Variants in GPR149 observed in about 807,000 individuals in gnomAD.
GPR149 encodes the protein probable G protein-coupled receptor 149.
Under a neutral mutation model 50.2 loss-of-function variants are expected in GPR149, and 50 were observed. That is an observed-to-expected ratio of 1.00 (90% CI 0.79 to 1.26). GPR149 has a LOEUF of 1.26. Ranked by LOEUF, GPR149 falls within the 50% of genes most tolerant of loss-of-function variation. GPR149 has a pLI of 0.00. For missense variants in GPR149, 983 were observed against 895.4 expected (o/e 1.10, Z -1.25); for synonymous variants, 405 against 358.2 (o/e 1.13, Z -1.48).
At chr3:154,401,058 G>A (rs561770560) in intron 3 of GPR149, among the ~76,000 whole-genome samples, 31 of 152,214 alleles carry the variant, frequency 2.0e-4, no homozygotes, top group Non-Finnish European at 4.0e-4. Context: ...CATGAGAGAA[G>A]AAAGCTGTTT....
At chr3:154,406,015 G>T (rs1711676312) in intron 3 of GPR149, among the ~76,000 whole-genome samples, 1 of 151,582 alleles carries the variant, frequency 6.6e-6, no homozygotes, top group African/African-American at 2.4e-5. Flanking sequence ...TTGTAACATA[G>T]GATATAATGG....
intron 3 of GPR149, among the ~76,000 whole-genome samples, chr3:154,416,356 A>C (rs932430124): frequency 7.9e-5 from 12 of 151,898 alleles, no homozygotes; most frequent in South Asian, 2.1e-4. Flanking sequence ...GTTTGTACAG[A>C]AATCATCTGG....
intron 3 of GPR149, among the ~76,000 whole-genome samples, chr3:154,354,955 C>A (rs886882679): frequency 6.6e-6 from 1 of 152,128 alleles, no homozygotes; most frequent in African/African-American, 2.4e-5. Flanking sequence ...CTGCATGAAA[C>A]CTCATTTTAC....
At chr3:154,402,998 A>G (rs529231764) in intron 3 of GPR149, among the ~76,000 whole-genome samples, 1 of 152,352 alleles carries the variant, frequency 6.6e-6, no homozygotes, top group South Asian at 2.1e-4. Context: ...TTGCAAGGGC[A>G]ACTAAGTAAA....
At chr3:154,417,676 G>A (rs1022613871) in intron 3 of GPR149, among the ~76,000 whole-genome samples, 4 of 151,488 alleles carry the variant, frequency 2.6e-5, no homozygotes, top group African/African-American at 9.7e-5. Flanking sequence ...CTACCACACA[G>A]TTTAATGCAT....
At chr3:154,370,600 A>T (rs930159491) in intron 3 of GPR149, among the ~76,000 whole-genome samples, 4 of 152,144 alleles carry the variant, frequency 2.6e-5, no homozygotes, top group Admixed American at 2.6e-4. Context: ...ACCCAACCAG[A>T]TGATTCAGCA....
chr3:154,426,532 CA>C (rs1383331627), intron 2 of GPR149, among the ~76,000 whole-genome samples: 1 of 152,186 alleles, frequency 6.6e-6, no homozygotes, highest in Non-Finnish European at 1.5e-5. Context: ...GTTAATGCAG[CA>C]TACACTAATG....
Position 154,421,192 on chromosome 3 carries a change from AT to A in GPR149, c.1469del (p.Asp490ValfsTer86). 6.2e-7 allele frequency: 1 copy of A among 1,613,504 alleles called. No individual in the cohort carries two copies. Among genetic ancestry groups the A allele is most frequent in the Non-Finnish European group, 8.5e-7 (1 of 1,179,616 alleles). ...EAKQDSNNKK[D>X]AFSDKTGGDI... Reference sequence around the variant, plus strand: ...CACCTCCTGTTTTGTCAGAAAACGCATCCTTTTTGTTGTTGGAATCCTGTTT... The same window carrying A: ...CACCTCCTGTTTTGTCAGAAAACGCACCTTTTTGTTGTTGGAATCCTGTTT... On this transcript the variant is annotated frameshift_variant, in exon 3 of 4. Transcript: ENST00000389740. LOFTEE classifies it high-confidence loss of function.
chr3:154,339,779 C>CTTTTTTTTT (rs71152802), intron 3 of GPR149, among the ~76,000 whole-genome samples: 1 of 68,306 alleles, frequency 1.5e-5, no homozygotes, highest in Non-Finnish European at 2.5e-5. Context: ...TGCTCTACTT[C>CTTTTTTTTT]TTTTTTTTTT....
chr3:154,420,947 G>A (rs1447269717), intron 3 of GPR149, 92 bp downstream of exon 3: 6 of 907,572 alleles, frequency 6.6e-6, no homozygotes, highest in Non-Finnish European at 9.9e-6. Context: ...TGTTGGGCTT[G>A]ATTGAATAAA....
At chr3:154,339,925 G>A (rs1348429746) in intron 3 of GPR149, among the ~76,000 whole-genome samples, 4 of 151,538 alleles carry the variant, frequency 2.6e-5, no homozygotes, top group Admixed American at 2.0e-4. Flanking sequence ...GAGTAGCTGG[G>A]ACTACAGGCA....
intron 3 of GPR149, among the ~76,000 whole-genome samples, chr3:154,363,935 C>G (rs1370557105): frequency 6.6e-6 from 1 of 152,192 alleles, no homozygotes; most frequent in Non-Finnish European, 1.5e-5. Context: ...GTTCATGTAC[C>G]TTATTCCTCT....
At chr3:154,379,624 G>A (rs1310702850) in intron 3 of GPR149, among the ~76,000 whole-genome samples, 1 of 151,988 alleles carries the variant, frequency 6.6e-6, no homozygotes, top group Non-Finnish European at 1.5e-5. Flanking sequence ...TATAGTATGA[G>A]GAAAGGGCCT....
At position 154,428,735 on chromosome 3, in the gene GPR149, C is replaced by T. The variant is rs767793576; in HGVS notation, c.881G>A (p.Gly294Glu). The T allele has an allele frequency of 1.9e-6, 3 of 1,614,106 alleles. No homozygotes were observed. Among genetic ancestry groups the T allele is most frequent in the Non-Finnish European group, 8.5e-7 (1 of 1,180,030 alleles). Residue 294 changes from glycine to glutamate, a missense_variant, in exon 1 of 4, where the codon GGG (glycine) becomes GAG (glutamate). By Grantham distance (98) the Gly-to-Glu change is moderately conservative. Coordinates refer to ENST00000389740, the MANE Select transcript of GPR149 (RefSeq NM_001038705.3). The stretch of plus-strand genomic sequence containing the variant: ...GAAGCTCCTGGTGCCATAGAGAGTC[C>T]CCCGGTTCTCACGCCTGCAGGCTTC... ...GAEACRRENR[G>E]TLYGTRSFTV...
At chr3:154,370,904 G>A (rs1243935610) in intron 3 of GPR149, among the ~76,000 whole-genome samples, 1 of 152,106 alleles carries the variant, frequency 6.6e-6, no homozygotes, top group Non-Finnish European at 1.5e-5. Flanking sequence ...CCCTTATTAG[G>A]GAGGGACATA....
rs1185153386 is a variant in GPR149, at chr3:154,335,770, A to G, written c.*1929T>C. 4.0e-5 allele frequency: 6 copies of G among 150,458 alleles called. No homozygotes were observed. The highest frequency in any genetic ancestry group is 1.5e-4 in the African/African-American group (6 of 39,856). 9.3% of individuals were successfully genotyped at this position (150,458 alleles called of 1,614,324 possible). On this transcript the variant is annotated 3_prime_UTR_variant, in exon 4 of 4. Coordinates refer to ENST00000389740, the MANE Select transcript of GPR149 (RefSeq NM_001038705.3). ...CCATTCAAATTGCTGTGCAGTTATA[A>G]AGAATTTGTTTGCCTTCAAATCTTT...
intron 3 of GPR149, among the ~76,000 whole-genome samples, chr3:154,388,195 C>T (rs577865227): frequency 1.3e-5 from 2 of 151,958 alleles, no homozygotes; most frequent in Admixed American, 6.6e-5. Context: ...ATCTATGTTA[C>T]CTTACATTTA....
intron 3 of GPR149, among the ~76,000 whole-genome samples, chr3:154,395,724 G>A (rs1206571071): frequency 6.6e-6 from 1 of 152,124 alleles, no homozygotes; most frequent in Non-Finnish European, 1.5e-5. Context: ...GAGCCCAAAA[G>A]TTGGAGGCTT....
intron 3 of GPR149, among the ~76,000 whole-genome samples, chr3:154,355,490 T>C (rs930912176): frequency 1.3e-5 from 2 of 152,220 alleles, no homozygotes; most frequent in African/African-American, 4.8e-5. Flanking sequence ...GGGTTTTTCA[T>C]TCTCTGTTCT....
Sources: allele counts gnomAD v4.1 joint callset (sites outside exome capture counted in the v4.1 genomes callset), GRCh38; gene constraint gnomAD v4.1.1; transcripts MANE v1.5; gene names NCBI Gene and HGNC (gene_info 2026-07-23, HGNC 2026-07-21).